ABCB1: variants seen among roughly 807,000 people sequenced by gnomAD.
The protein encoded by ABCB1 is ATP binding cassette subfamily B member 1, also known as ATP-dependent translocase ABCB1.
In ABCB1, 69 loss-of-function variants were observed where a neutral mutation model predicts 142.0. That is an observed-to-expected ratio of 0.49 (90% CI 0.40 to 0.59). The LOEUF (loss-of-function observed/expected upper bound fraction) is 0.59, where lower values mean the gene tolerates loss of function less well. Ranked by LOEUF, ABCB1 falls within the 20% of genes least tolerant of loss-of-function variation. The pLI, the probability that ABCB1 is intolerant of heterozygous loss-of-function variation, is 0.00. For missense variants in ABCB1, 1,326 were observed against 1,554.7 expected (o/e 0.85, Z 2.47); for synonymous variants, 532 against 539.2 (o/e 0.99, Z 0.18).
chr7:87,669,743 G>A (rs927088127), intron 1 of ABCB1, among the ~76,000 whole-genome samples: 2 of 152,176 alleles, frequency 1.3e-5, no homozygotes, highest in East Asian at 3.8e-4. Flanking sequence ...CACTTTGGCT[G>A]TATATGAAAT....
At chr7:87,551,585 G>C (rs1284166057) in intron 9 of ABCB1, among the ~76,000 whole-genome samples, 1 of 151,848 alleles carries the variant, frequency 6.6e-6, no homozygotes, top group African/African-American at 2.4e-5. Context: ...TCAACCTCTG[G>C]GTTCAGACAA....
chr7:87,617,150 C>A (rs1193769855), intron 1 of ABCB1, among the ~76,000 whole-genome samples: 3 of 152,118 alleles, frequency 2.0e-5, no homozygotes, highest in Non-Finnish European at 4.4e-5. Context: ...ACTTGGATAC[C>A]TTTAAGTGGT....
intron 1 of ABCB1, among the ~76,000 whole-genome samples, chr7:87,642,349 T>C (rs928074065): frequency 1.8e-4 from 27 of 152,042 alleles, no homozygotes; most frequent in African/African-American, 6.5e-4. Flanking sequence ...CTTCACGTTG[T>C]TCTATTGCTG....
chr7:87,519,559 T>A (rs1302190019), intron 22 of ABCB1, 93 bp from the exon 23 acceptor site: 4 of 1,487,000 alleles, frequency 2.7e-6, no homozygotes, highest in South Asian at 1.1e-5. Context: ...CACAGAGGCA[T>A]GACCAACAAA....
chr7:87,637,973 G>A (rs1346588120), intron 1 of ABCB1, among the ~76,000 whole-genome samples: 2 of 152,024 alleles, frequency 1.3e-5, no homozygotes, highest in African/African-American at 4.8e-5. Context: ...TAAATAGGAT[G>A]TTTGCAGTAG....
At chr7:87,690,948 G>A (rs534658271) in intron 1 of ABCB1, among the ~76,000 whole-genome samples, 1 of 151,760 alleles carries the variant, frequency 6.6e-6, no homozygotes, top group East Asian at 1.9e-4. Flanking sequence ...GAGAGAGAGA[G>A]AAAATAGAAT....
chr7:87,610,897 A>T (rs1434191703), intron 1 of ABCB1, among the ~76,000 whole-genome samples: 1 of 152,140 alleles, frequency 6.6e-6, no homozygotes, highest in Non-Finnish European at 1.5e-5. Flanking sequence ...GGGAGAGGTT[A>T]TTGCTAGCAT....
chr7:87,688,855 A>T (rs191182216), intron 1 of ABCB1, among the ~76,000 whole-genome samples: 1 of 151,942 alleles, frequency 6.6e-6, no homozygotes, highest in Non-Finnish European at 1.5e-5. Context: ...ACAAAATCTT[A>T]TGTATTTGTA....
At chr7:87,640,772 C>T (rs1282810180) in intron 1 of ABCB1, among the ~76,000 whole-genome samples, 1 of 152,084 alleles carries the variant, frequency 6.6e-6, no homozygotes, top group Non-Finnish European at 1.5e-5. Flanking sequence ...TCTATTGACT[C>T]CTTTTCTAGT....
In ABCB1 at chr7:87,626,115, T is replaced by TCA. The variant is rs1820454418; in HGVS notation, c.-330-25039_-330-25038dup. Reference sequence around the variant, plus strand: ...ATATATATATTGTCATATATATGTGTCATATATATTGTCATATATATGTGT... The same window carrying TCA: ...ATATATATATTGTCATATATATGTGTCACATATATATTGTCATATATATGTGT... On this transcript the variant is annotated intron_variant, in intron 1 of 28. Transcript: ENST00000265724. Among the ~76,000 whole-genome samples the TCA allele has an allele frequency of 7.2e-5, 10 of 138,530 alleles. 2 individuals are homozygous for TCA. The highest frequency in any genetic ancestry group is 2.7e-4 in the African/African-American group (10 of 37,566). 90.9% of individuals were successfully genotyped at this position (138,530 alleles called of 152,430 possible). A position where few individuals can be genotyped will look rare whatever the true frequency, so the allele number is the denominator to read the frequency against.
At chr7:87,633,958 C>T (rs181580083) in intron 1 of ABCB1, among the ~76,000 whole-genome samples, 143 of 152,232 alleles carry the variant, frequency 9.4e-4, no homozygotes, top group African/African-American at 3.3e-3. Flanking sequence ...ACCGTGGCCC[C>T]GGCATCTGCT....
At chr7:87,679,068 C>T (rs1826656668) in intron 1 of ABCB1, among the ~76,000 whole-genome samples, 1 of 132,504 alleles carries the variant, frequency 7.5e-6, no homozygotes, top group Admixed American at 7.7e-5. Context: ...AGCCAACTGA[C>T]ATTTATAAAA....
At chr7:87,586,641 G>C (rs1160588215) in intron 3 of ABCB1, among the ~76,000 whole-genome samples, 1 of 152,126 alleles carries the variant, frequency 6.6e-6, no homozygotes, top group African/African-American at 2.4e-5. Context: ...CCAAAACAAA[G>C]ATTAGGCAGC....
At chr7:87,696,326 AT>A (rs1266015716) in intron 1 of ABCB1, among the ~76,000 whole-genome samples, 1 of 152,106 alleles carries the variant, frequency 6.6e-6, no homozygotes, top group African/African-American at 2.4e-5. Flanking sequence ...TTCAATATTT[AT>A]TTTTAAAGGC....
intron 1 of ABCB1, among the ~76,000 whole-genome samples, chr7:87,677,232 A>G (rs1826456918): frequency 6.6e-6 from 1 of 151,640 alleles, no homozygotes; most frequent in Admixed American, 6.6e-5. Context: ...CAACCTAAGT[A>G]GCTGTCAACA....
intron 1 of ABCB1, among the ~76,000 whole-genome samples, chr7:87,702,755 T>G (rs1317821481): frequency 1.3e-5 from 2 of 152,136 alleles, no homozygotes; most frequent in Non-Finnish European, 2.9e-5. Context: ...AAATGTGAAA[T>G]CTCAAATGAT....
chr7:87,618,131 G>A (rs931917556), intron 1 of ABCB1, among the ~76,000 whole-genome samples: 9 of 152,120 alleles, frequency 5.9e-5, no homozygotes, highest in African/African-American at 2.2e-4. Context: ...TAATTCCGGG[G>A]GCCCTGTTGA....
intron 25 of ABCB1, among the ~76,000 whole-genome samples, chr7:87,511,741 T>G (rs1410687447): frequency 6.6e-6 from 1 of 152,240 alleles, no homozygotes; most frequent in African/African-American, 2.4e-5. Context: ...CACTAATACC[T>G]CACAACTGAA....
chr7:87,563,554 T>G (rs1431201649), intron 7 of ABCB1, among the ~76,000 whole-genome samples: 1 of 152,158 alleles, frequency 6.6e-6, no homozygotes, highest in Admixed American at 6.5e-5. Context: ...ACAAAAGCAC[T>G]TGCTTATCTC....
Sources: allele counts gnomAD v4.1 joint callset (sites outside exome capture counted in the v4.1 genomes callset), GRCh38; gene constraint gnomAD v4.1.1; transcripts MANE v1.5; gene names NCBI Gene and HGNC (gene_info 2026-07-23, HGNC 2026-07-21).